Variants in ATG7 observed in about 807,000 individuals in gnomAD.
The protein encoded by ATG7 is autophagy related 7.
A neutral mutation model predicts 82.4 loss-of-function variants in ATG7; 70 were observed. That is an observed-to-expected ratio of 0.85 (90% CI 0.70 to 1.04). The LOEUF (loss-of-function observed/expected upper bound fraction) is 1.04. Among genes scored for constraint, ATG7 ranks in the 50% least tolerant of loss-of-function variants. ATG7 has a pLI of 0.00. For missense variants in ATG7, 792 were observed against 864.3 expected, an observed-to-expected ratio of 0.92 and a Z score of 1.05; for synonymous variants, 287 against 313.0, an observed-to-expected ratio of 0.92 and a Z score of 0.88.
chr3:11,541,101 C>T (rs12638988), intron 20 of ATG7, among the ~76,000 whole-genome samples: 25,420 of 151,848 alleles, frequency 0.17, 2,678 homozygotes, highest in Admixed American at 0.31. Flanking sequence ...GGGGTTTCAC[C>T]ATGTTAGCCA....
chr3:11,546,250 C>T (rs1429639475), intron 20 of ATG7, among the ~76,000 whole-genome samples: 1 of 139,634 alleles, frequency 7.2e-6, no homozygotes, highest in African/African-American at 2.7e-5. Context: ...CGGTTCACTG[C>T]AACCTCTTCC....
At chr3:11,532,296 C>T (rs1264455505) in intron 20 of ATG7, among the ~76,000 whole-genome samples, 1 of 152,192 alleles carries the variant, frequency 6.6e-6, no homozygotes, top group Non-Finnish European at 1.5e-5. Context: ...CGGCACACAT[C>T]ATCTGCAAGG....
At chr3:11,505,099 GA>G (rs2091617208) in intron 20 of ATG7, among the ~76,000 whole-genome samples, 2 of 152,216 alleles carry the variant, frequency 1.3e-5, no homozygotes, top group Admixed American at 1.3e-4. Context: ...GTATAGTATG[GA>G]AGCTGGGAGC....
At chr3:11,470,501 G>A (rs6773963) in intron 20 of ATG7, among the ~76,000 whole-genome samples, 78,635 of 152,066 alleles carry the variant, frequency 0.52, 21,351 homozygotes, top group East Asian at 0.67. Flanking sequence ...ATTGTTGACC[G>A]AAACGTCATT....
rs547143904 is a variant in ATG7, at chr3:11,466,681, A to G, written c.2079+39755A>G. Reference sequence around the variant, plus strand: ...TCTTTTCGGAAAAAGCAGTTCTCAGAGGGTTGTATGAAGGATTATAGCACC... The same window carrying G: ...TCTTTTCGGAAAAAGCAGTTCTCAGGGGGTTGTATGAAGGATTATAGCACC... On this transcript the variant is annotated intron_variant, in intron 20 of 20. Transcript: ENST00000693202. Among the ~76,000 whole-genome samples, 45 of 152,346 alleles carry G rather than the reference A, an allele frequency of 3.0e-4. No individual in the cohort carries two copies. In the South Asian group the frequency reaches 8.7e-3, roughly 29 times the overall value.
intron 20 of ATG7, among the ~76,000 whole-genome samples, chr3:11,552,974 T>G (rs2071959186): frequency 6.6e-6 from 1 of 152,206 alleles, no homozygotes; most frequent in Admixed American, 6.5e-5. Context: ...AGTCCTCTTA[T>G]GAACAGAACA....
chr3:11,567,062 C>G, the ATG7 span, among the ~76,000 whole-genome samples: 277 of 152,112 alleles, frequency 1.8e-3, no homozygotes, highest in African/African-American at 6.4e-3. Context: ...AAGGGCTGAG[C>G]AGGAGAAGCA....
At chr3:11,431,632 A>T (rs1238064438) in intron 20 of ATG7, among the ~76,000 whole-genome samples, 3 of 152,220 alleles carry the variant, frequency 2.0e-5, no homozygotes, top group Non-Finnish European at 4.4e-5. Flanking sequence ...GACACATCAC[A>T]TAAATGATCC....
rs968602002 is a variant in ATG7 at position 11,426,794 on chromosome 3, T to C, written c.1957-10T>C. The C allele has an allele frequency of 1.3e-6, 2 of 1,559,416 alleles. No homozygotes were observed. The highest frequency in any genetic ancestry group is 1.4e-5 in the African/African-American group (1 of 72,010). The stretch of plus-strand genomic sequence containing the variant: ...GAGACTCCTTTTTAAAAAATGTAAA[T>C]GTTTTACAGGTTCTTGATCAATATG... On this transcript the variant is annotated splice_polypyrimidine_tract_variant and intron_variant, in intron 19 of 20. Coordinates refer to ENST00000693202, the MANE Select transcript of ATG7 (RefSeq NM_001349232.2).
intron 20 of ATG7, among the ~76,000 whole-genome samples, chr3:11,450,754 AAC>A (rs2085038585): frequency 6.6e-6 from 1 of 152,224 alleles, no homozygotes; most frequent in South Asian, 2.1e-4. Flanking sequence ...ACCGTTTGTG[AAC>A]AGTCTTCTAG....
At chr3:11,508,052 T>C (rs1457320578) in intron 20 of ATG7, among the ~76,000 whole-genome samples, 1 of 152,172 alleles carries the variant, frequency 6.6e-6, no homozygotes, top group African/African-American at 2.4e-5. Context: ...CAACAGCCTC[T>C]ACCACAGCTT....
chr3:11,489,278 T>C (rs7630417), intron 20 of ATG7, among the ~76,000 whole-genome samples: 14,603 of 152,280 alleles, frequency 0.096, 1,308 homozygotes, highest in African/African-American at 0.24. Context: ...GAGGTGTTTG[T>C]AGTATTCTCT....
At chr3:11,567,775 T>C in the ATG7 span, among the ~76,000 whole-genome samples, 1,604 of 152,328 alleles carry the variant, frequency 0.011, 24 homozygotes, top group Non-Finnish European at 0.013. Flanking sequence ...AGTTCATCAG[T>C]GTCACCACAC....
chr3:11,557,283 A>G lies in ATG7; in HGVS notation c.*2440A>G, dbSNP rs1399252767. 1 of 152,808 alleles carries G rather than the reference A, an allele frequency of 6.5e-6. No homozygotes were observed. The highest frequency in any genetic ancestry group is 1.5e-5 in the Non-Finnish European group (1 of 68,044). 9.5% of individuals were successfully genotyped at this position (152,808 alleles called of 1,614,324 possible). A position where few individuals can be genotyped will look rare whatever the true frequency, so the allele number is the denominator to read the frequency against. On this transcript the variant is annotated 3_prime_UTR_variant, in exon 21 of 21. Transcript: ENST00000693202. ...ACAGTATAAAGTCAGAGGAATGTAT[A>G]CTGCCTTGGCCCCAGCGTACGAGGA...
chr3:11,417,810 A>ATTTTTTTTTTT (rs368598930), intron 19 of ATG7, among the ~76,000 whole-genome samples: 7 of 97,982 alleles, frequency 7.1e-5, no homozygotes, highest in South Asian at 3.4e-4. Flanking sequence ...ATTTTATTTT[A>ATTTTTTTTTTT]TTTTATTTTT....
At chr3:11,407,887 G>C (rs2152908301) in intron 19 of ATG7, among the ~76,000 whole-genome samples, 1 of 152,280 alleles carries the variant, frequency 6.6e-6, no homozygotes, top group East Asian at 1.9e-4. Context: ...GCCTGTAGTG[G>C]GAGGGGCTGC....
rs138448027 is a variant in ATG7 at position 11,347,974 on chromosome 3, G to C, written c.1223G>C (p.Gly408Ala). ...QPLYEFEDCL[G>A]GGKPKALAAA... Reference sequence around the variant, plus strand: ...CTCTATGAGTTTGAAGATTGCCTAGGGGGTGGTAAGCCCAAGGCTCTGGCA... The same window carrying C: ...CTCTATGAGTTTGAAGATTGCCTAGCGGGTGGTAAGCCCAAGGCTCTGGCA... Residue 408 changes from glycine to alanine, a missense_variant, in exon 14 of 21, where the codon GGG becomes GCG. Physicochemically the swap from Gly to Ala is moderately conservative, Grantham distance 60. Coordinates refer to ENST00000693202, the MANE Select transcript of ATG7 (RefSeq NM_001349232.2). 345 of 1,614,148 alleles carry C rather than the reference G, an allele frequency of 2.1e-4. No individual in the cohort carries two copies. Among genetic ancestry groups the C allele is most frequent in the Middle Eastern group, 9.9e-4 (6 of 6,060 alleles).
At chr3:11,573,133 T>C in the ATG7 span, among the ~76,000 whole-genome samples, 1 of 150,432 alleles carries the variant, frequency 6.6e-6, no homozygotes, top group Non-Finnish European at 1.5e-5. Flanking sequence ...GCCATTGCAC[T>C]CCAACCTGGG....
chr3:11,437,830 A>G (rs1368056617), intron 20 of ATG7, among the ~76,000 whole-genome samples: 1 of 152,184 alleles, frequency 6.6e-6, no homozygotes, highest in Non-Finnish European at 1.5e-5. Context: ...TTTTAGCATG[A>G]ATCTGCTAAG....
Sources: gnomAD v4.1 joint callset for allele counts (sites outside exome capture counted in the v4.1 genomes callset) on GRCh38, gnomAD v4.1.1 for gene constraint, MANE v1.5 for transcripts, NCBI Gene and HGNC (gene_info 2026-07-23, HGNC 2026-07-21) for gene names.